Variants in AGPAT3 observed in about 807,000 individuals in gnomAD.
AGPAT3 encodes 1-acylglycerol-3-phosphate O-acyltransferase 3.
AGPAT3 carries 5 observed loss-of-function variants against 47.3 expected under a neutral mutation model. That is an observed-to-expected ratio of 0.11 (90% CI 0.06 to 0.22). The LOEUF (loss-of-function observed/expected upper bound fraction) is 0.22. AGPAT3 is among the 10% of genes least tolerant of loss of function. The pLI is 1.00. For missense variants in AGPAT3, 315 were observed against 493.0 expected (o/e 0.64, Z 3.42); for synonymous variants, 212 against 208.3 (o/e 1.02, Z -0.15).
At chr21:43,950,926 T>A (rs2088162147) in intron 2 of AGPAT3, 1 of 152,262 alleles carries the variant, frequency 6.6e-6, no homozygotes, top group African/African-American at 2.4e-5. Flanking sequence ...TCTCAGAAAG[T>A]GTGTGCAGTT....
chr21:43,957,760 G>A (rs1277168764), intron 2 of AGPAT3, among the ~76,000 whole-genome samples: 2 of 148,834 alleles, frequency 1.3e-5, no homozygotes, highest in African/African-American at 2.5e-5. Context: ...CCCTCCACAC[G>A]GGGGTCTCGG....
rs546051038 is a variant in AGPAT3 at position 43,901,902 on chromosome 21, C to CAAAG, written c.-111-2045_-111-2042dup. ...ACACAGCACTTTGTAAAATGAAACA[C>CAAAG]AAAGAAAGAAAGACAAAAAAATGAA... On this transcript the variant is annotated intron_variant, in intron 1 of 9. Transcript: ENST00000291572. Among the ~76,000 whole-genome samples the CAAAG allele has an allele frequency of 2.3e-4, 35 of 152,114 alleles. No homozygotes were observed. In the East Asian group the frequency reaches 6.6e-3, roughly 29 times the overall value.
chr21:43,946,571 G>A (rs949170813), intron 2 of AGPAT3, among the ~76,000 whole-genome samples: 7 of 149,328 alleles, frequency 4.7e-5, no homozygotes, highest in African/African-American at 1.7e-4. Flanking sequence ...CTGCATTCCA[G>A]CCTAGGGGAC....
Position 43,981,933 on chromosome 21 carries a change from A to G in AGPAT3, c.1043-371A>G, listed in dbSNP as rs1281445926. On this transcript the variant is annotated intron_variant, in intron 9 of 9. Transcript: ENST00000291572. This position sits in a 1 kb window ranked among gnomAD's most constrained non-coding sequence, Gnocchi z 5.3. ...ACAGAGGACAGGATGTGACCTGCTT[A>G]CATCCGAGGGTCCTGCTCGTCCACC... Among the ~76,000 whole-genome samples, 1 of 152,158 alleles carries G rather than the reference A, an allele frequency of 6.6e-6. No individual in the cohort carries two copies.
chr21:43,889,191 A>G (rs1359860466), intron 1 of AGPAT3, among the ~76,000 whole-genome samples: 1 of 151,696 alleles, frequency 6.6e-6, no homozygotes, highest in Non-Finnish European at 1.5e-5. Flanking sequence ...TCCAACAAGC[A>G]TGGGACTGAG....
chr21:43,936,188 A>G (rs1256208832), intron 2 of AGPAT3, among the ~76,000 whole-genome samples: 1 of 152,246 alleles, frequency 6.6e-6, no homozygotes, highest in African/African-American at 2.4e-5. Context: ...TGCAGCCCAA[A>G]GAGTCCAGGA....
chr21:43,971,244 T>C lies in AGPAT3; in HGVS notation c.665-144T>C, dbSNP rs930869688. On this transcript the variant is annotated intron_variant, in intron 6 of 9. Coordinates refer to ENST00000291572, the MANE Select transcript of AGPAT3 (RefSeq NM_020132.5). ...AGAAAACTTAGAGAAGAGGTCCTGG[T>C]GTGTTCTCCCCAGGACGGGGCCAGA... is the stretch of plus-strand genomic sequence containing the variant. The C allele has an allele frequency of 1.2e-5, 8 of 688,256 alleles. No homozygotes were observed. The African/African-American group carries it at 1.4e-4, about 12-fold the overall frequency. 42.6% of individuals were successfully genotyped at this position (688,256 alleles called of 1,614,324 possible). A position where few individuals can be genotyped will look rare whatever the true frequency, so the allele number is the denominator to read the frequency against.
chr21:43,901,951 G>T (rs531400477), intron 1 of AGPAT3, among the ~76,000 whole-genome samples: 2 of 152,272 alleles, frequency 1.3e-5, no homozygotes, highest in Admixed American at 6.5e-5. Context: ...GGACCATATC[G>T]AGAGTAACAT....
intron 1 of AGPAT3, among the ~76,000 whole-genome samples, chr21:43,886,102 T>G (rs2085971034): frequency 6.6e-6 from 1 of 152,178 alleles, no homozygotes; most frequent in South Asian, 2.1e-4. Flanking sequence ...GGCCAGAGAC[T>G]GGTGGCTGAG....
rs935557181 is a variant in AGPAT3, at chr21:43,920,937, C to T, written c.-49+16918C>T. Among the ~76,000 whole-genome samples, 2 of 152,120 alleles carry T rather than the reference C, an allele frequency of 1.3e-5. No individual in the cohort carries two copies. The highest frequency in any genetic ancestry group is 2.4e-5 in the African/African-American group (1 of 41,424). The stretch of plus-strand genomic sequence containing the variant: ...TCAGGAGATCAAGACCACGGTGAAA[C>T]CCCATATCTACTAAAAATACAAAAA... On this transcript the variant is annotated intron_variant, in intron 2 of 9. Transcript: ENST00000291572. This position sits in a 1 kb window ranked among gnomAD's most constrained non-coding sequence, Gnocchi z 6.1.
At chr21:43,959,326 TGTG>T (rs1187883167) in intron 2 of AGPAT3, among the ~76,000 whole-genome samples, 8 of 112,536 alleles carry the variant, frequency 7.1e-5, no homozygotes, top group African/African-American at 1.9e-4. Flanking sequence ...TGTGTGTGGT[TGTG>T]TGTGTGTGGC....
At position 43,895,034 on chromosome 21, in the gene AGPAT3, T is replaced by G. The variant is rs191490509; in HGVS notation, c.-111-8923T>G. ...GAGTTTTAGATTGTTTTGTTACTTC[T>G]TCTAAATTTGTTTTCCTAATTTTTT... On this transcript the variant is annotated intron_variant, in intron 1 of 9. Coordinates refer to ENST00000291572, the MANE Select transcript of AGPAT3 (RefSeq NM_020132.5). Among the ~76,000 whole-genome samples the G allele has an allele frequency of 9.2e-4, 140 of 152,254 alleles. 1 individual carries two copies. Among genetic ancestry groups the G allele is most frequent in the Non-Finnish European group, 1.5e-4 (10 of 68,014 alleles).
intron 2 of AGPAT3, among the ~76,000 whole-genome samples, chr21:43,929,807 T>C (rs951369996): frequency 1.3e-5 from 2 of 152,230 alleles, no homozygotes; most frequent in South Asian, 4.1e-4. Context: ...ACCCTCTCTG[T>C]TGAGGTCCTG....
In AGPAT3 at chr21:43,932,109, T is replaced by C. The variant is rs1176865976; in HGVS notation, c.-48-27525T>C. On this transcript the variant is annotated intron_variant, in intron 2 of 9. Coordinates refer to ENST00000291572, the MANE Select transcript of AGPAT3 (RefSeq NM_020132.5). The surrounding 1 kb of genome is among the most constrained non-coding windows in gnomAD (Gnocchi z 5.2). ...AGCTATCAGCTCACCAACATCGTTT[T>C]TGGTGGTGTGGATGTTAAAAATCTA... 6.6e-6 allele frequency among the ~76,000 whole-genome samples: 1 copy of C among 152,208 alleles called. No homozygotes were observed. The highest frequency in any genetic ancestry group is 2.4e-5 in the African/African-American group (1 of 41,456).
At chr21:43,918,530 T>G (rs1030707722) in intron 2 of AGPAT3, among the ~76,000 whole-genome samples, 3 of 151,592 alleles carry the variant, frequency 2.0e-5, no homozygotes, top group Admixed American at 6.6e-5. Flanking sequence ...TGGGGGACAC[T>G]TGGTTACATT....
intron 1 of AGPAT3, among the ~76,000 whole-genome samples, chr21:43,889,153 A>G (rs925241031): frequency 6.6e-6 from 1 of 152,062 alleles, no homozygotes; most frequent in African/African-American, 2.4e-5. Flanking sequence ...ATTTCTATTG[A>G]CTTTTCTTGT....
At chr21:43,869,663 C>A (rs2085579843) in intron 1 of AGPAT3, among the ~76,000 whole-genome samples, 1 of 152,036 alleles carries the variant, frequency 6.6e-6, no homozygotes, top group African/African-American at 2.4e-5. Flanking sequence ...CAGACCCAGC[C>A]CTGAGTTAGG....
intron 2 of AGPAT3, among the ~76,000 whole-genome samples, chr21:43,926,318 G>A (rs1448119936): frequency 2.0e-5 from 3 of 152,192 alleles, no homozygotes; most frequent in East Asian, 1.9e-4. Flanking sequence ...CTGAGCCTTC[G>A]CTCTGCCGTC....
chr21:43,924,271 C>T (rs543254319), intron 2 of AGPAT3, among the ~76,000 whole-genome samples: 39 of 152,042 alleles, frequency 2.6e-4, no homozygotes, highest in Admixed American at 4.6e-4. Context: ...GTGACCCGCC[C>T]GCCTCGGCCT....
Sources: allele counts gnomAD v4.1 joint callset (sites outside exome capture counted in the v4.1 genomes callset), GRCh38; gene constraint gnomAD v4.1.1; non-coding constraint Gnocchi (gnomAD v3.1); transcripts MANE v1.5; gene names NCBI Gene and HGNC (gene_info 2026-07-23, HGNC 2026-07-21).